Variants in PPEF2 observed in about 807,000 individuals in gnomAD.
PPEF2 encodes protein phosphatase with EF-hand domain 2.
In PPEF2, 84 loss-of-function variants were observed where a neutral mutation model predicts 84.7. The observed-to-expected ratio is 0.99, with a 90% CI of 0.83 to 1.19. The LOEUF is 1.19. Ranked by LOEUF, PPEF2 falls within the 50% of genes most tolerant of loss-of-function variation. PPEF2 has a pLI of 0.00. For missense variants in PPEF2, 924 were observed against 937.5 expected, an observed-to-expected ratio of 0.99 and a Z score of 0.19; for synonymous variants, 346 against 345.2, an observed-to-expected ratio of 1.00 and a Z score of -0.03.
intron 8 of PPEF2, 165 bp from the exon 9 acceptor site, chr4:75,883,367 G>A (rs1724628776): frequency 1.6e-6 from 1 of 625,602 alleles, no homozygotes; most frequent in Non-Finnish European, 2.8e-6. Flanking sequence ...CATTATCCCT[G>A]GGTAGAGAAA....
chr4:75,894,196 T>C (rs1333029202), intron 2 of PPEF2, among the ~76,000 whole-genome samples: 1 of 152,184 alleles, frequency 6.6e-6, no homozygotes, highest in African/African-American at 2.4e-5. Flanking sequence ...ATTTTTTTGA[T>C]GGTTACCCTC....
intron 1 of PPEF2, among the ~76,000 whole-genome samples, chr4:75,897,558 G>A (rs1486325163): frequency 6.6e-6 from 1 of 152,042 alleles, no homozygotes; most frequent in East Asian, 1.9e-4. Context: ...AGGCCAAGGT[G>A]GGCTGATCAC....
intron 10 of PPEF2, 23 bp downstream of exon 10, chr4:75,882,903 T>G: frequency 1.9e-6 from 3 of 1,594,520 alleles, no homozygotes; most frequent in Non-Finnish European, 2.6e-6. Context: ...TGGTGAAATT[T>G]GTATTATTTC....
chr4:75,862,509 C>T (rs1003694916), intron 16 of PPEF2, among the ~76,000 whole-genome samples: 15 of 151,702 alleles, frequency 9.9e-5, no homozygotes, highest in African/African-American at 3.6e-4. Flanking sequence ...AGACATTTCT[C>T]CAAAAGAGAT....
intron 8 of PPEF2, 123 bp downstream of exon 8, chr4:75,884,471 G>C: frequency 8.3e-7 from 1 of 1,203,716 alleles, no homozygotes; most frequent in Non-Finnish European, 1.1e-6. Flanking sequence ...TGTGTATTCT[G>C]CTTTTTAAAA....
chr4:75,869,224 G>A (rs1724207731), intron 13 of PPEF2, among the ~76,000 whole-genome samples: 1 of 152,202 alleles, frequency 6.6e-6, no homozygotes, highest in Admixed American at 6.5e-5. Context: ...CAGGGATGGA[G>A]TAGGGCAATG....
At chr4:75,875,140 C>T (rs1414369756) in intron 11 of PPEF2, among the ~76,000 whole-genome samples, 3 of 151,786 alleles carry the variant, frequency 2.0e-5, no homozygotes, top group Admixed American at 2.0e-4. Context: ...CTCCTGACCT[C>T]GTGATCCGCC....
At chr4:75,899,441 T>A (rs963171598) in intron 1 of PPEF2, among the ~76,000 whole-genome samples, 2 of 152,170 alleles carry the variant, frequency 1.3e-5, no homozygotes, top group African/African-American at 4.8e-5. Context: ...TGACACTTTC[T>A]CTAGTTCTTC....
In PPEF2 at chr4:75,877,746, CA is replaced by C. The variant is rs1274235371; in HGVS notation, c.934-1074del. Among the ~76,000 whole-genome samples the C allele has an allele frequency of 3.3e-5, 5 of 151,676 alleles. No individual in the cohort carries two copies. The South Asian group carries it at 1.0e-3, about 32-fold the overall frequency. On this transcript the variant is annotated intron_variant, in intron 10 of 16. Transcript: ENST00000286719. ...TTTTTACATAGGTACACACATGTCACAGGGGGTTGTTTTACATATTATTTCA... is the reference window on the plus strand; with the variant it reads ...TTTTTACATAGGTACACACATGTCACGGGGGTTGTTTTACATATTATTTCA...
intron 13 of PPEF2, among the ~76,000 whole-genome samples, chr4:75,871,228 C>T (rs1217942026): frequency 6.6e-6 from 1 of 151,954 alleles, no homozygotes; most frequent in Admixed American, 6.6e-5. Context: ...CCAAAATCTA[C>T]CATTCGAGTA....
In PPEF2 at chr4:75,860,840, T is replaced by C. The variant is rs1392250430; in HGVS notation, c.2089A>G (p.Ile697Val). 1 of 1,614,244 alleles carries C rather than the reference T, an allele frequency of 6.2e-7. No individual in the cohort carries two copies. Among genetic ancestry groups the C allele is most frequent in the Admixed American group, 1.7e-5 (1 of 60,030 alleles). The change falls in exon 17 of 17, where the codon ATC becomes GTC. Residue 697 changes from isoleucine to valine, a missense_variant. Physicochemically the swap from Ile to Val is conservative, Grantham distance 29. Transcript: ENST00000286719. Reference protein sequence around the residue: ...HMNIDITDDCICDLARSIDFN... With the variant: ...HMNIDITDDCVCDLARSIDFN... The stretch of plus-strand genomic sequence containing the variant: ...TCAATGCTCCGAGCAAGGTCACAGA[T>C]GCAGTCATCTGTAATGTCGATATTC...
intron 11 of PPEF2, among the ~76,000 whole-genome samples, chr4:75,876,026 A>C (rs2056021): frequency 1.3e-5 from 2 of 152,160 alleles, no homozygotes; most frequent in East Asian, 3.8e-4. Context: ...CCAACAAATC[A>C]TAGCTTATCT....
chr4:75,884,549 T>C, intron 8 of PPEF2, 45 bp downstream of exon 8: 6 of 1,506,552 alleles, frequency 4.0e-6, no homozygotes, highest in Non-Finnish European at 5.3e-6. Context: ...ATTTTACAAT[T>C]ACAACAAACA....
chr4:75,891,798 C>T, intron 3 of PPEF2, 53 bp downstream of exon 3: 1 of 1,597,638 alleles, frequency 6.3e-7, no homozygotes, highest in South Asian at 1.1e-5. Context: ...AGCACCCGAG[C>T]CCTGCTGCCC....
chr4:75,879,558 T>C (rs1972063), intron 10 of PPEF2, among the ~76,000 whole-genome samples: 17,710 of 152,216 alleles, frequency 0.12, 3,112 homozygotes, highest in African/African-American at 0.38. Context: ...AACTTAGTAA[T>C]TGTAGAGTTT....
Position 75,884,661 on chromosome 4 carries a change from T to A in PPEF2, c.679A>T (p.Met227Leu). 6.2e-7 allele frequency: 1 copy of A among 1,613,810 alleles called. No individual in the cohort carries two copies. The highest frequency in any genetic ancestry group is 8.5e-7 in the Non-Finnish European group (1 of 1,179,858). Residue 227 changes from methionine (M) to leucine (L), a missense_variant, in exon 8 of 17, where the codon ATG becomes TTG. Coordinates refer to ENST00000286719, the MANE Select transcript of PPEF2 (RefSeq NM_006239.3). The stretch of plus-strand genomic sequence containing the variant: ...TGGAACTCTTTGGGGTAAACCAGCA[T>A]GAAGGCAAAAAGAATCATCAGGATC... ...VEILMILFAF[M>L]LVYPKEFHLN...
chr4:75,891,741 T>C (rs1275738516), intron 3 of PPEF2, 36 bp from the exon 4 acceptor site: 31 of 1,600,576 alleles, frequency 1.9e-5, no homozygotes, highest in Non-Finnish European at 2.6e-5. Context: ...GCTTTAGAGG[T>C]GAGCGAAAAG....
intron 10 of PPEF2, among the ~76,000 whole-genome samples, chr4:75,877,834 G>C (rs891667352): frequency 5.3e-5 from 8 of 151,976 alleles, no homozygotes; most frequent in African/African-American, 1.9e-4. Flanking sequence ...CAACAAATTG[G>C]AAGTTTATAA....
chr4:75,896,897 T>TTTC (rs1182688726), intron 1 of PPEF2, among the ~76,000 whole-genome samples: 10 of 151,954 alleles, frequency 6.6e-5, no homozygotes, highest in Non-Finnish European at 8.8e-5. Flanking sequence ...TTCTTTCTTT[T>TTTC]TTGAGACAGA....
Sources: gnomAD v4.1 joint callset for allele counts (sites outside exome capture counted in the v4.1 genomes callset) on GRCh38, gnomAD v4.1.1 for gene constraint, MANE v1.5 for transcripts, NCBI Gene and HGNC (gene_info 2026-07-23, HGNC 2026-07-21) for gene names.